Variants in TBC1D9 observed in about 807,000 individuals in gnomAD.
TBC1D9 encodes TBC1 domain family member 9, also known as TBC1 domain family member 9A.
In TBC1D9, 63 loss-of-function variants were observed where a neutral mutation model predicts 132.0. That is an observed-to-expected ratio of 0.48 (90% CI 0.39 to 0.59). TBC1D9 has a LOEUF of 0.59. Among genes scored for constraint, TBC1D9 ranks in the 20% least tolerant of loss-of-function variants. The pLI, the probability that TBC1D9 is intolerant of heterozygous loss-of-function variation, is 0.00. For synonymous variants in TBC1D9, 610 were observed against 609.9 expected (o/e 1.00, Z 0.00); for missense variants, 1,261 against 1,592.7 (o/e 0.79, Z 3.54).
At chr4:140,687,288 C>T (rs1303927885) in intron 2 of TBC1D9, among the ~76,000 whole-genome samples, 3 of 121,232 alleles carry the variant, frequency 2.5e-5, no homozygotes, top group African/African-American at 5.8e-5. Context: ...ATAATTTGTC[C>T]GTATATCATA....
Position 140,676,964 on chromosome 4 carries a change from A to C in TBC1D9, c.989T>G (p.Val330Gly). 6.2e-7 allele frequency: 1 copy of C among 1,614,048 alleles called. No individual in the cohort carries two copies. The highest frequency in any genetic ancestry group is 8.5e-7 in the Non-Finnish European group (1 of 1,179,890). The change falls in exon 6 of 21, where the codon GTG becomes GGG. Residue 330 changes from valine to glycine, a missense_variant. Physicochemically the swap from Val to Gly is moderately radical, Grantham distance 109. Around this residue, in one of 3 missense-constraint regions of TBC1D9, gnomAD observed 550 missense variants for 699.0 expected, o/e 0.79. Transcript: ENST00000442267. ...GGTAAAACAGATGTAATTTGTGGACACAAACATCTGCCCCAAAATGTGCAT... is the reference window on the plus strand; with the variant it reads ...GGTAAAACAGATGTAATTTGTGGACCCAAACATCTGCCCCAAAATGTGCAT... ...NKMHILGQMFVSTNYICFTSK... is the reference protein window; with the variant it reads ...NKMHILGQMFGSTNYICFTSK...
intron 1 of TBC1D9, among the ~76,000 whole-genome samples, chr4:140,737,603 T>C (rs532976010): frequency 7.1e-4 from 108 of 152,256 alleles, no homozygotes; most frequent in African/African-American, 2.2e-3. Flanking sequence ...AACATGTTTA[T>C]CATTTTGTAG....
chr4:140,735,972 T>TA (rs1437864527), intron 1 of TBC1D9, among the ~76,000 whole-genome samples: 1 of 152,148 alleles, frequency 6.6e-6, no homozygotes, highest in Non-Finnish European at 1.5e-5. Flanking sequence ...ACTTATGTTG[T>TA]AAAAAAGTTA....
chr4:140,746,231 A>C (rs919443252), intron 1 of TBC1D9, among the ~76,000 whole-genome samples: 1 of 152,238 alleles, frequency 6.6e-6, no homozygotes, highest in Non-Finnish European at 1.5e-5. Context: ...TGATACACAA[A>C]CACATTTCTG....
intron 13 of TBC1D9, among the ~76,000 whole-genome samples, chr4:140,654,474 T>TTG (rs1737235040): frequency 8.3e-6 from 1 of 120,470 alleles, no homozygotes; most frequent in East Asian, 2.6e-4. Context: ...AAGAAAGGGG[T>TTG]GGGGGGGGGT....
chr4:140,713,757 A>AAC (rs901540834), intron 1 of TBC1D9, among the ~76,000 whole-genome samples: 3 of 150,722 alleles, frequency 2.0e-5, no homozygotes, highest in Non-Finnish European at 3.0e-5. Context: ...ATTAAAAAAA[A>AAC]AAAACTATAT....
intron 6 of TBC1D9, among the ~76,000 whole-genome samples, chr4:140,674,131 GA>G (rs1180263231): frequency 1.3e-5 from 2 of 152,196 alleles, no homozygotes; most frequent in East Asian, 3.8e-4. Context: ...ATTACATTCA[GA>G]ATTGGGTGAA....
intron 9 of TBC1D9, among the ~76,000 whole-genome samples, chr4:140,666,509 GTAT>G (rs1447072926): frequency 6.6e-6 from 1 of 151,828 alleles, no homozygotes; most frequent in Admixed American, 6.6e-5. Flanking sequence ...CTAATTTTTT[GTAT>G]TTTTTTTAGT....
At chr4:140,624,510 AAC>A in intron 18 of TBC1D9, 122 bp from the exon 19 acceptor site, 3 of 761,334 alleles carry the variant, frequency 3.9e-6, no homozygotes, top group Non-Finnish European at 6.2e-6. Context: ...CAAACAAACA[AAC>A]AAAAAAAAAC....
intron 10 of TBC1D9, among the ~76,000 whole-genome samples, chr4:140,661,305 T>G (rs1737357727): frequency 6.6e-6 from 1 of 152,216 alleles, no homozygotes; most frequent in South Asian, 2.1e-4. Context: ...TGTTGGTATG[T>G]AGGCAACTTT....
At chr4:140,683,389 C>G (rs763958579) in intron 3 of TBC1D9, among the ~76,000 whole-genome samples, 13 of 152,172 alleles carry the variant, frequency 8.5e-5, no homozygotes, top group African/African-American at 2.7e-4. Flanking sequence ...AATGTAGAAC[C>G]CTTTCTTAGT....
Position 140,668,949 on chromosome 4 carries a change from C to G in TBC1D9, c.1556G>C (p.Ser519Thr). 1 of 1,613,978 alleles carries G rather than the reference C, an allele frequency of 6.2e-7. No homozygotes were observed. Among genetic ancestry groups the G allele is most frequent in the Non-Finnish European group, 8.5e-7 (1 of 1,179,872 alleles). The stretch of plus-strand genomic sequence containing the variant: ...CAGCAGCCAGAGCTCCCCACGCATG[C>G]TCTCCGGGATGCCCTTCAACACCAG... ...RELVLKGIPE[S>T]MRGELWLLLS... The change falls in exon 9 of 21, where the codon AGC becomes ACC. Residue 519 changes from serine (S) to threonine (T), a missense_variant. Ser to Thr is a moderately conservative substitution (Grantham distance 58). Transcript: ENST00000442267.
intron 15 of TBC1D9, among the ~76,000 whole-genome samples, chr4:140,637,014 ATCTG>A (rs1218707020): frequency 1.3e-5 from 2 of 151,992 alleles, no homozygotes; most frequent in Non-Finnish European, 2.9e-5. Context: ...CACGGCTGTT[ATCTG>A]AAGGTACACA....
chr4:140,633,147 A>G (rs1736825061), intron 16 of TBC1D9, among the ~76,000 whole-genome samples: 1 of 152,178 alleles, frequency 6.6e-6, no homozygotes, highest in Non-Finnish European at 1.5e-5. Context: ...TATGCCTGAC[A>G]TTTTCTCTTT....
At chr4:140,710,911 A>T (rs1470995698) in intron 1 of TBC1D9, among the ~76,000 whole-genome samples, 3 of 152,186 alleles carry the variant, frequency 2.0e-5, no homozygotes, top group Non-Finnish European at 4.4e-5. Flanking sequence ...ATATTAAGCC[A>T]AGCCCAGCGC....
chr4:140,656,184 A>G (rs187744329), intron 13 of TBC1D9, among the ~76,000 whole-genome samples: 48 of 152,282 alleles, frequency 3.2e-4, no homozygotes, highest in Non-Finnish European at 5.6e-4. Context: ...CTCAATGTAG[A>G]AGGAAGCAGG....
chr4:140,710,122 G>C (rs1738218895), intron 1 of TBC1D9, among the ~76,000 whole-genome samples: 1 of 151,954 alleles, frequency 6.6e-6, no homozygotes, highest in South Asian at 2.1e-4. Context: ...CTCTCATTTG[G>C]GAAAAAATGA....
intron 1 of TBC1D9, among the ~76,000 whole-genome samples, chr4:140,718,560 C>T (rs1872862): frequency 0.42 from 63,232 of 152,010 alleles, 14,604 homozygotes; most frequent in African/African-American, 0.62. Flanking sequence ...ATTTTCACAA[C>T]GAACAAGCCA....
At chr4:140,635,092 G>A (rs1468213224) in intron 15 of TBC1D9, among the ~76,000 whole-genome samples, 1 of 152,000 alleles carries the variant, frequency 6.6e-6, no homozygotes, top group Non-Finnish European at 1.5e-5. Context: ...GAGAAAGGAG[G>A]AGCATAAAAA....
Sources: allele counts gnomAD v4.1 joint callset (sites outside exome capture counted in the v4.1 genomes callset), GRCh38; gene constraint gnomAD v4.1.1; regional missense constraint gnomAD v4.1.1; transcripts MANE v1.5; gene names NCBI Gene and HGNC (gene_info 2026-07-23, HGNC 2026-07-21).